MSL3B: variants seen among roughly 807,000 people sequenced by gnomAD.
The protein encoded by MSL3B is MSL complex subunit 3 pseudogene 1.
chr2:233,865,661 A>C, the MSL3B span: 1 of 153,786 alleles, frequency 6.5e-6, no homozygotes. Context: ...CCTCTAAAAT[A>C]CTTTGAGACT....
chr2:233,866,696 G>A, the MSL3B span: 2 of 790,404 alleles, frequency 2.5e-6, no homozygotes, highest in Non-Finnish European at 4.7e-6. Context: ...TTTAGGGGTG[G>A]CTGGTTCACC....
the MSL3B span, chr2:233,866,991 T>C: frequency 1.4e-5 from 19 of 1,310,690 alleles, no homozygotes; most frequent in Non-Finnish European, 1.9e-5. Context: ...GCATGTGGCA[T>C]AGCGTGATGG....
At chr2:233,866,637 G>A in the MSL3B span, 2 of 795,032 alleles carry the variant, frequency 2.5e-6, no homozygotes, top group Non-Finnish European at 2.3e-6. Context: ...GCGGTGTGGG[G>A]CGAGGACCGC....
chr2:233,866,528 T>A, the MSL3B span: 1 of 1,163,428 alleles, frequency 8.6e-7, no homozygotes, highest in South Asian at 1.2e-5. Context: ...TGTCTTCTTT[T>A]CCAGGTGCAG....
the MSL3B span, chr2:233,866,271 T>G: frequency 1.4e-6 from 1 of 736,370 alleles, no homozygotes; most frequent in Non-Finnish European, 2.6e-6. Context: ...GCCTTCAGAT[T>G]CTTCTCAGTA....
the MSL3B span, among the ~76,000 whole-genome samples, chr2:233,867,667 G>T: frequency 2.0e-5 from 3 of 151,524 alleles, no homozygotes; most frequent in Non-Finnish European, 4.4e-5. Context: ...TAGCAGAGAC[G>T]GGGTTTCACC....
the MSL3B span, chr2:233,866,401 C>G: frequency 4.6e-6 from 5 of 1,081,776 alleles, no homozygotes; most frequent in Non-Finnish European, 7.2e-6. Context: ...CAGGTACGAG[C>G]TTCCAGGAGA....
the MSL3B span, chr2:233,866,958 G>T: frequency 7.2e-7 from 1 of 1,383,150 alleles, no homozygotes; most frequent in Non-Finnish European, 1.0e-6. Flanking sequence ...TTTTCTGCTG[G>T]GATATAAGGC....
the MSL3B span, among the ~76,000 whole-genome samples, chr2:233,867,773 C>A: frequency 6.7e-6 from 1 of 148,506 alleles, no homozygotes; most frequent in African/African-American, 2.5e-5. Context: ...CCACCGCGCC[C>A]AGACCCTAAT....
At chr2:233,867,518 C>T in the MSL3B span, 2 of 305,358 alleles carry the variant, frequency 6.5e-6, no homozygotes, top group Non-Finnish European at 1.2e-5. Flanking sequence ...TATTGTTGCC[C>T]AGGATGGAGT....
At chr2:233,867,003 G>T in the MSL3B span, 1 of 1,292,730 alleles carries the variant, frequency 7.7e-7, no homozygotes, top group South Asian at 1.2e-5. Flanking sequence ...GCGTGATGGT[G>T]ACGAGGCCTC....
At chr2:233,868,110 C>T in the MSL3B span, 1 of 330,974 alleles carries the variant, frequency 3.0e-6, no homozygotes, top group Non-Finnish European at 6.3e-6. Flanking sequence ...TCACTGGGCT[C>T]ACGAAGCACA....
chr2:233,867,248 A>G, the MSL3B span: 2 of 760,244 alleles, frequency 2.6e-6, no homozygotes, highest in Non-Finnish European at 4.9e-6. Flanking sequence ...CTTTTCTTCA[A>G]TATCACATTC....
the MSL3B span, chr2:233,866,424 T>C: frequency 8.2e-7 from 1 of 1,214,916 alleles, no homozygotes; most frequent in Non-Finnish European, 1.2e-6. Flanking sequence ...ACCTCATTTA[T>C]TTCATTAGTT....
chr2:233,866,954 G>A, the MSL3B span: 34 of 1,399,816 alleles, frequency 2.4e-5, no homozygotes, highest in East Asian at 7.5e-4. Context: ...ATTCTTTTCT[G>A]CTGGGATATA....
At chr2:233,867,842 G>C in the MSL3B span, among the ~76,000 whole-genome samples, 2 of 136,684 alleles carry the variant, frequency 1.5e-5, no homozygotes, top group African/African-American at 5.6e-5. Context: ...GCCCAGGCTA[G>C]AGTGCAATGG....
the MSL3B span, chr2:233,866,564 A>G: frequency 7.7e-6 from 7 of 914,576 alleles, no homozygotes; most frequent in African/African-American, 1.1e-4. Context: ...ACTGGTGGAC[A>G]TGTCCTGCTG....
the MSL3B span, chr2:233,866,864 T>C: frequency 7.3e-7 from 1 of 1,364,144 alleles, no homozygotes; most frequent in Admixed American, 1.7e-5. Flanking sequence ...AGCTTGTTCA[T>C]AGGGATAGAG....
chr2:233,867,789 ATTTTTTT>A, the MSL3B span, among the ~76,000 whole-genome samples: 1 of 72,808 alleles, frequency 1.4e-5, no homozygotes, highest in African/African-American at 4.5e-5. Context: ...CTAATCTACG[ATTTTTTT>A]TTTTTTTTTT....
Sources: gnomAD v4.1 joint callset for allele counts (sites outside exome capture counted in the v4.1 genomes callset) on GRCh38, gnomAD v4.1.1 for gene constraint, MANE v1.5 for transcripts, NCBI Gene and HGNC (gene_info 2026-07-23, HGNC 2026-07-21) for gene names.